The following MYOCD variants were observed in gnomAD, a reference collection of about 807,000 sequenced individuals.
MYOCD encodes the protein myocardin.
Under a neutral mutation model 96.1 loss-of-function variants are expected in MYOCD, and 32 were observed. The ratio of observed to expected loss-of-function variants is 0.33; its 90% CI spans 0.25 to 0.45. MYOCD has a LOEUF of 0.45. Among genes scored for constraint, MYOCD ranks in the 20% least tolerant of loss-of-function variants. The pLI is 1.00. For missense variants in MYOCD, 1,133 were observed against 1,200.6 expected (o/e 0.94, Z 0.83); for synonymous variants, 469 against 469.0 (o/e 1.00, Z 0.00).
At chr17:12,711,048 A>G (rs1291534215) in intron 2 of MYOCD, among the ~76,000 whole-genome samples, 1 of 152,196 alleles carries the variant, frequency 6.6e-6, no homozygotes, top group Non-Finnish European at 1.5e-5. Flanking sequence ...AGAAAGCTAC[A>G]TTGGGAAAAT....
chr17:12,673,124 T>G (rs1423407305), intron 1 of MYOCD, among the ~76,000 whole-genome samples: 1 of 152,104 alleles, frequency 6.6e-6, no homozygotes, highest in Non-Finnish European at 1.5e-5. Context: ...ACACTCTCCT[T>G]AGGAAGCCAA....
rs1281454876 is a variant in MYOCD, at chr17:12,764,629, C to T, written c.*985C>T. ...CTGGGTTCCTATAGAAGGACTATTACTTATGGGAGTCCAACTTCTCCTTTT... is the reference window on the plus strand; with the variant it reads ...CTGGGTTCCTATAGAAGGACTATTATTTATGGGAGTCCAACTTCTCCTTTT... On this transcript the variant is annotated 3_prime_UTR_variant, in exon 14 of 14. Transcript: ENST00000425538. 2.0e-5 allele frequency: 3 copies of T among 152,236 alleles called. No homozygotes were observed. Among genetic ancestry groups the T allele is most frequent in the Non-Finnish European group, 4.4e-5 (3 of 68,060 alleles). 9.4% of individuals were successfully genotyped at this position (152,236 alleles called of 1,614,324 possible).
chr17:12,676,516 A>T (rs1910067290), intron 1 of MYOCD, among the ~76,000 whole-genome samples: 1 of 152,034 alleles, frequency 6.6e-6, no homozygotes, highest in Non-Finnish European at 1.5e-5. Flanking sequence ...GATTACAATT[A>T]TCCAGTATCT....
At chr17:12,709,225 C>A (rs1311968028) in intron 2 of MYOCD, among the ~76,000 whole-genome samples, 1 of 152,158 alleles carries the variant, frequency 6.6e-6, no homozygotes, top group Non-Finnish European at 1.5e-5. Flanking sequence ...TCTTCCTTCC[C>A]TTTTCCTGGG....
intron 9 of MYOCD, 42 bp from the exon 10 acceptor site, chr17:12,752,372 T>C (rs766872979): frequency 5.3e-6 from 8 of 1,495,386 alleles, no homozygotes; most frequent in East Asian, 2.3e-5. Flanking sequence ...TTTAAAAATA[T>C]TGTCGTTAAA....
chr17:12,728,939 A>C (rs2032084282), intron 5 of MYOCD, among the ~76,000 whole-genome samples: 1 of 152,164 alleles, frequency 6.6e-6, no homozygotes, highest in African/African-American at 2.4e-5. Context: ...TACATTTATA[A>C]AAGATCCTGT....
At chr17:12,757,198 A>G (rs745604899) in intron 11 of MYOCD, among the ~76,000 whole-genome samples, 11 of 152,144 alleles carry the variant, frequency 7.2e-5, no homozygotes, top group Non-Finnish European at 2.9e-5. Flanking sequence ...CAGCTGGTGG[A>G]AGAAGTCAGG....
chr17:12,768,470 T>G lies in MYOCD; in HGVS notation c.*4826T>G, dbSNP rs2033396501. 1 of 152,232 alleles carries G rather than the reference T, an allele frequency of 6.6e-6. No homozygotes were observed. The highest frequency in any genetic ancestry group is 1.5e-5 in the Non-Finnish European group (1 of 68,054). The allele number at this position is 152,232 out of a possible 1,614,324, so 9.4% of individuals were successfully genotyped here. On this transcript the variant is annotated 3_prime_UTR_variant, in exon 14 of 14. Transcript: ENST00000425538. ...GACAAACCAACGCCAGAAGGTCTCC[T>G]GTGCTTATTTTAACCATCTGCTCCC...
At chr17:12,750,843 A>T (rs1427615202) in intron 9 of MYOCD, among the ~76,000 whole-genome samples, 4 of 152,114 alleles carry the variant, frequency 2.6e-5, no homozygotes, top group Non-Finnish European at 4.4e-5. Context: ...TCCATATTTT[A>T]AATTTTATTT....
chr17:12,745,945 A>T lies in MYOCD; in HGVS notation c.998A>T (p.Asn333Ile), dbSNP rs2032651715. 13 of 1,614,164 alleles carry T rather than the reference A, an allele frequency of 8.1e-6. No individual in the cohort carries two copies. Among genetic ancestry groups the T allele is most frequent in the Non-Finnish European group, 1.1e-5 (13 of 1,180,028 alleles). ...GAACCAAATGAACAGATGGTCAGAAATCCAAACTCTTCTTCAACGCCACTG... is the reference window on the plus strand; with the variant it reads ...GAACCAAATGAACAGATGGTCAGAATTCCAAACTCTTCTTCAACGCCACTG... ...LKEPNEQMVR[N>I]PNSSSTPLSN... The change falls in exon 9 of 14, where the codon AAT (asparagine) becomes ATT (isoleucine). Residue 333 changes from asparagine to isoleucine, a missense_variant. Asn to Ile is a moderately radical substitution (Grantham distance 149). Coordinates refer to ENST00000425538, the MANE Select transcript of MYOCD (RefSeq NM_001146312.3).
At chr17:12,739,134 ACT>A (rs2032431553) in intron 6 of MYOCD, 67 bp from the exon 7 acceptor site, 3 of 1,525,224 alleles carry the variant, frequency 2.0e-6, no homozygotes, top group Admixed American at 3.9e-5. Context: ...ATATATACGG[ACT>A]CTAACATTTC....
chr17:12,668,869 A>G (rs1909518605), intron 1 of MYOCD, among the ~76,000 whole-genome samples: 5 of 152,190 alleles, frequency 3.3e-5, no homozygotes, highest in Admixed American at 3.3e-4. Context: ...ACATTTTTCT[A>G]TTATTAATAT....
rs552989519 is a variant in MYOCD at position 12,739,398 on chromosome 17, T to C, written c.717+70T>C. On this transcript the variant is annotated intron_variant, in intron 7 of 13. Coordinates refer to ENST00000425538, the MANE Select transcript of MYOCD (RefSeq NM_001146312.3). ...ACAGAGCCGACTTGGAGCAGAACTT[T>C]CTGAGTTAGGTCTGACAACACGAGG... 4 of 1,469,864 alleles carry C rather than the reference T, an allele frequency of 2.7e-6. No individual in the cohort carries two copies. In the African/African-American group the frequency reaches 4.3e-5, roughly 16 times the overall value. The allele number at this position is 1,469,864 out of a possible 1,614,324, so 91.1% of individuals were successfully genotyped here. A position where few individuals can be genotyped will look rare whatever the true frequency, so the allele number is the denominator to read the frequency against.
At chr17:12,757,527 C>T (rs899833890) in intron 11 of MYOCD, among the ~76,000 whole-genome samples, 6 of 152,268 alleles carry the variant, frequency 3.9e-5, no homozygotes, top group African/African-American at 1.2e-4. Flanking sequence ...GACACAGTCT[C>T]ACTCTGTCGG....
chr17:12,730,866 G>A (rs916840020), intron 5 of MYOCD, among the ~76,000 whole-genome samples: 3 of 152,130 alleles, frequency 2.0e-5, no homozygotes, highest in African/African-American at 7.2e-5. Context: ...CCTTGGTGTG[G>A]GTCTTCACAG....
chr17:12,754,197 C>T (rs149422309), intron 10 of MYOCD, among the ~76,000 whole-genome samples: 14 of 152,126 alleles, frequency 9.2e-5, no homozygotes, highest in African/African-American at 2.9e-4. Flanking sequence ...CTCTGCCTCC[C>T]GGGTTCAAGC....
Position 12,744,281 on chromosome 17 carries a change from C to G in MYOCD, c.816C>G (p.Asp272Glu). ...KLKYHQYIPPDQKAEKSPPPM... is the reference protein window; with the variant it reads ...KLKYHQYIPPEQKAEKSPPPM... ...AATATCACCAGTACATTCCCCCAGA[C>G]CAGAAGGCAGAGAAGTCCCCTCCAC... Residue 272 changes from aspartate to glutamate, a missense_variant, in exon 8 of 14, where the codon GAC becomes GAG. Asp to Glu is a conservative substitution (Grantham distance 45). Coordinates refer to ENST00000425538, the MANE Select transcript of MYOCD (RefSeq NM_001146312.3). 2 of 1,614,196 alleles carry G rather than the reference C, an allele frequency of 1.2e-6. No individual in the cohort carries two copies. Among genetic ancestry groups the G allele is most frequent in the Non-Finnish European group, 1.7e-6 (2 of 1,180,044 alleles).
intron 1 of MYOCD, among the ~76,000 whole-genome samples, chr17:12,700,742 T>A (rs1434075107): frequency 6.6e-6 from 1 of 151,358 alleles, no homozygotes; most frequent in Admixed American, 6.6e-5. Context: ...TTGATTAAGA[T>A]CTATGATATT....
At chr17:12,697,529 A>AT (rs1294476161) in intron 1 of MYOCD, among the ~76,000 whole-genome samples, 1 of 150,932 alleles carries the variant, frequency 6.6e-6, no homozygotes, top group East Asian at 2.0e-4. Context: ...CACCTGGCTA[A>AT]TTTTTTGTAT....
Sources: gnomAD v4.1 joint callset for allele counts (sites outside exome capture counted in the v4.1 genomes callset) on GRCh38, gnomAD v4.1.1 for gene constraint, MANE v1.5 for transcripts, NCBI Gene and HGNC (gene_info 2026-07-23, HGNC 2026-07-21) for gene names.